Variants in IFT43 observed in about 807,000 individuals in gnomAD.
The protein encoded by IFT43 is intraflagellar transport 43.
A neutral mutation model predicts 32.3 loss-of-function variants in IFT43; 33 were observed. The observed-to-expected ratio is 1.02, with a 90% CI of 0.77 to 1.37. The LOEUF (loss-of-function observed/expected upper bound fraction) is 1.37, where lower values mean the gene tolerates loss of function less well. Among genes scored for constraint, IFT43 ranks in the 40% most tolerant of loss-of-function variants. The probability of loss-of-function intolerance (pLI) is 0.00; values close to 1 mark genes in which losing one functional copy is unlikely to be tolerated. For missense variants in IFT43, 274 were observed against 265.9 expected (o/e 1.03, Z -0.21); for synonymous variants, 93 against 98.2 (o/e 0.95, Z 0.31).
chr14:76,076,658 A>G lies in IFT43; in HGVS notation c.296-5637A>G, dbSNP rs747461272. 8.7e-6 allele frequency: 14 copies of G among 1,614,186 alleles called. 1 individual carries two copies. The South Asian group carries it at 1.4e-4, about 16-fold the overall frequency. ...CGCATGCTATCACAAAACGCATCAC[A>G]GAGATTTGGGGCTGGCTTCATTGGA... On this transcript the variant is annotated intron_variant, in intron 5 of 8. Coordinates refer to ENST00000314067, the MANE Select transcript of IFT43 (RefSeq NM_001102564.3).
chr14:75,992,641 G>C (rs2035666229), intron 2 of IFT43, among the ~76,000 whole-genome samples: 2 of 152,244 alleles, frequency 1.3e-5, no homozygotes, highest in Middle Eastern at 3.4e-3. Context: ...GAACTCCCGG[G>C]CTCAAGCGAT....
At chr14:76,023,341 C>T (rs571540855) in intron 3 of IFT43, among the ~76,000 whole-genome samples, 2 of 152,288 alleles carry the variant, frequency 1.3e-5, no homozygotes, top group South Asian at 2.1e-4. Context: ...TATTGAGGGG[C>T]GGCAGAGTGT....
intron 3 of IFT43, among the ~76,000 whole-genome samples, chr14:76,041,311 A>G (rs992169412): frequency 7.2e-5 from 11 of 152,242 alleles, no homozygotes; most frequent in Admixed American, 7.2e-4. Context: ...AGGTCAGGAA[A>G]GAAATGAGTG....
At chr14:76,010,927 G>A (rs1417464699) in intron 2 of IFT43, among the ~76,000 whole-genome samples, 1 of 147,624 alleles carries the variant, frequency 6.8e-6, no homozygotes, top group African/African-American at 2.5e-5. Flanking sequence ...TTTAATGACA[G>A]CATCTCACTC....
At chr14:76,028,886 T>C (rs2036455816) in intron 3 of IFT43, among the ~76,000 whole-genome samples, 1 of 152,220 alleles carries the variant, frequency 6.6e-6, no homozygotes, top group South Asian at 2.1e-4. Flanking sequence ...TTTGATTCCA[T>C]GTCTTTCCTC....
At chr14:76,074,039 G>T (rs559347640) in intron 5 of IFT43, among the ~76,000 whole-genome samples, 1 of 152,270 alleles carries the variant, frequency 6.6e-6, no homozygotes, top group South Asian at 2.1e-4. Context: ...GGGTGGCACT[G>T]ATCAAAGGAG....
At chr14:76,010,636 A>G (rs955466260) in intron 2 of IFT43, among the ~76,000 whole-genome samples, 2 of 152,002 alleles carry the variant, frequency 1.3e-5, no homozygotes, top group African/African-American at 4.8e-5. Context: ...TTCAAAGCAA[A>G]TTATAGGCAT....
intron 5 of IFT43, among the ~76,000 whole-genome samples, chr14:76,078,150 G>A (rs1367404835): frequency 6.6e-6 from 1 of 152,186 alleles, no homozygotes; most frequent in Non-Finnish European, 1.5e-5. Flanking sequence ...CATATGTGCT[G>A]TGTTATTTGC....
chr14:75,988,031 G>A lies in IFT43; in HGVS notation c.55-854G>A, dbSNP rs377699425. Among the ~76,000 whole-genome samples, 8 of 152,308 alleles carry A rather than the reference G, an allele frequency of 5.3e-5. No homozygotes were observed. The South Asian group carries it at 1.0e-3, about 20-fold the overall frequency. On this transcript the variant is annotated intron_variant, in intron 1 of 8. Transcript: ENST00000314067. ...AAATTAAGCCTTCCTAAAATCCTGC[G>A]TAGGAACATGGGAGCATTTACCACC...
chr14:76,006,280 G>A (rs1315872089), intron 2 of IFT43, among the ~76,000 whole-genome samples: 1 of 152,206 alleles, frequency 6.6e-6, no homozygotes, highest in Non-Finnish European at 1.5e-5. Flanking sequence ...TGTTTCAAGG[G>A]CAGGAGTGGG....
At chr14:75,998,173 C>T (rs1030072875) in intron 2 of IFT43, among the ~76,000 whole-genome samples, 10 of 152,202 alleles carry the variant, frequency 6.6e-5, no homozygotes, top group Non-Finnish European at 1.5e-4. Context: ...TTTCATCTCT[C>T]TGACCAATTG....
intron 3 of IFT43, among the ~76,000 whole-genome samples, chr14:76,054,362 G>A (rs1263218083): frequency 6.6e-6 from 1 of 152,234 alleles, no homozygotes; most frequent in African/African-American, 2.4e-5. Flanking sequence ...AGATGTCTGG[G>A]TGCCTTAGGG....
At chr14:76,035,265 C>T (rs1429219261) in intron 3 of IFT43, among the ~76,000 whole-genome samples, 1 of 152,190 alleles carries the variant, frequency 6.6e-6, no homozygotes, top group African/African-American at 2.4e-5. Context: ...AACAACTCCT[C>T]CTGACAATTT....
intron 3 of IFT43, among the ~76,000 whole-genome samples, chr14:76,041,141 A>G (rs1324306137): frequency 6.6e-6 from 1 of 152,172 alleles, no homozygotes; most frequent in African/African-American, 2.4e-5. Context: ...TGTAATTAAA[A>G]CCAAGAGTGG....
At chr14:76,071,329 T>C (rs927339360) in intron 5 of IFT43, among the ~76,000 whole-genome samples, 6 of 152,232 alleles carry the variant, frequency 3.9e-5, no homozygotes, top group African/African-American at 1.2e-4. Context: ...TGCCGACTGC[T>C]CTACCTGCCG....
chr14:76,006,020 A>T (rs150470362), intron 2 of IFT43, among the ~76,000 whole-genome samples: 1 of 151,934 alleles, frequency 6.6e-6, no homozygotes, highest in East Asian at 1.9e-4. Context: ...TGGTGCAGAG[A>T]CAGTTTGTGT....
intron 3 of IFT43, among the ~76,000 whole-genome samples, chr14:76,040,918 C>G (rs988210836): frequency 6.6e-6 from 1 of 152,220 alleles, no homozygotes; most frequent in Non-Finnish European, 1.5e-5. Flanking sequence ...GAAAGGACAG[C>G]TGAGACCCTG....
intron 3 of IFT43, among the ~76,000 whole-genome samples, chr14:76,034,610 G>T (rs1337940906): frequency 6.6e-6 from 1 of 152,258 alleles, no homozygotes; most frequent in Non-Finnish European, 1.5e-5. Flanking sequence ...TTATGAATCT[G>T]ATTGAGGAGC....
At chr14:76,083,842 G>A (rs931437097), downstream of IFT43, 1 of 606,952 alleles carries the variant, frequency 1.6e-6, no homozygotes, top group Admixed American at 2.1e-5. Flanking sequence ...TCGCGGCCTT[G>A]TTGCGGAGCA....
Sources: allele counts gnomAD v4.1 joint callset (sites outside exome capture counted in the v4.1 genomes callset), GRCh38; gene constraint gnomAD v4.1.1; transcripts MANE v1.5; gene names NCBI Gene and HGNC (gene_info 2026-07-23, HGNC 2026-07-21).